The following CUBN variants were observed in gnomAD, a reference collection of about 807,000 sequenced individuals.
The protein encoded by CUBN is cubilin.
CUBN carries 282 observed loss-of-function variants against 405.3 expected under a neutral mutation model. The observed-to-expected ratio is 0.70, with a 90% CI of 0.63 to 0.77. CUBN has a LOEUF of 0.77. Among genes scored for constraint, CUBN ranks in the 30% least tolerant of loss-of-function variants. The pLI, the probability that CUBN is intolerant of heterozygous loss-of-function variation, is 0.00. For synonymous variants in CUBN, 1,684 were observed against 1,617.0 expected, an observed-to-expected ratio of 1.04 and a Z score of -0.99; for missense variants, 4,514 against 4,475.2, an observed-to-expected ratio of 1.01 and a Z score of -0.25.
In CUBN at chr10:17,115,425, T is replaced by C. The variant is rs897161787; in HGVS notation, c.720+46A>G. The C allele has an allele frequency of 3.7e-6, 6 of 1,611,830 alleles. No individual in the cohort carries two copies. The African/African-American group carries it at 6.7e-5, about 18-fold the overall frequency. ...TGGGCATAGGAGGAGGAGGAGCTAC[T>C]AACCATGGCTCTCTGCAAGGAGGCA... On this transcript the variant is annotated intron_variant, in intron 7 of 66. Transcript: ENST00000377833.
At chr10:16,857,660 T>C (rs143779539) in intron 59 of CUBN, among the ~76,000 whole-genome samples, 168 of 152,274 alleles carry the variant, frequency 1.1e-3, no homozygotes, top group African/African-American at 3.9e-3. Context: ...AAACTAGGAA[T>C]AGAGGAGAAA....
chr10:16,928,532 C>CCCCCCTT (rs1403918589), intron 40 of CUBN, among the ~76,000 whole-genome samples: 8 of 107,118 alleles, frequency 7.5e-5, no homozygotes, highest in African/African-American at 1.4e-4. Flanking sequence ...CCACCCCCCC[C>CCCCCCTT]TTTTTTTTTT....
At chr10:16,895,338 TACACAC>T (rs150992845) in intron 54 of CUBN, among the ~76,000 whole-genome samples, 8,443 of 149,040 alleles carry the variant, frequency 0.057, 758 homozygotes, top group East Asian at 0.32. Context: ...TATATATTTA[TACACAC>T]ACACACACAC....
At chr10:17,080,969 A>G (rs886545789) in intron 17 of CUBN, among the ~76,000 whole-genome samples, 18 of 152,170 alleles carry the variant, frequency 1.2e-4, no homozygotes, top group African/African-American at 3.4e-4. Context: ...TCCATGGGTA[A>G]TGTATATCTT....
At chr10:17,031,990 G>T (rs190338442) in intron 27 of CUBN, among the ~76,000 whole-genome samples, 7 of 152,304 alleles carry the variant, frequency 4.6e-5, no homozygotes, top group Non-Finnish European at 8.8e-5. Flanking sequence ...AGCCCTTATG[G>T]AGAAGTCCAT....
chr10:17,128,874 C>A (rs533377269), intron 2 of CUBN, among the ~76,000 whole-genome samples: 41 of 152,234 alleles, frequency 2.7e-4, no homozygotes, highest in African/African-American at 9.6e-4. Context: ...ATCTATTGTA[C>A]ATTTCAAAAT....
At chr10:17,048,239 A>G (rs1054183814) in intron 22 of CUBN, among the ~76,000 whole-genome samples, 2 of 152,268 alleles carry the variant, frequency 1.3e-5, no homozygotes, top group African/African-American at 4.8e-5. Context: ...CATGATATGC[A>G]CTCAGTAAAT....
At chr10:16,873,520 G>A (rs1276005225) in intron 58 of CUBN, among the ~76,000 whole-genome samples, 1 of 152,034 alleles carries the variant, frequency 6.6e-6, no homozygotes, top group South Asian at 2.1e-4. Context: ...TCAGGAGTTC[G>A]AGACCAGCAT....
intron 22 of CUBN, among the ~76,000 whole-genome samples, chr10:17,052,911 A>G (rs772492819): frequency 2.8e-4 from 42 of 150,596 alleles, no homozygotes; most frequent in Non-Finnish European, 4.9e-4. Context: ...ATGGAATTAC[A>G]CTAGTATGAC....
intron 27 of CUBN, among the ~76,000 whole-genome samples, chr10:17,023,871 A>C (rs186898162): frequency 7.2e-5 from 11 of 152,186 alleles, no homozygotes; most frequent in African/African-American, 2.7e-4. Flanking sequence ...CATTAAATAT[A>C]TCTTCAGATG....
intron 59 of CUBN, among the ~76,000 whole-genome samples, chr10:16,853,105 G>A (rs1424811019): frequency 6.6e-6 from 1 of 152,122 alleles, no homozygotes; most frequent in Non-Finnish European, 1.5e-5. Flanking sequence ...ACAATCCTCA[G>A]AACATAAGAT....
chr10:16,945,956 T>C (rs1842767180), intron 36 of CUBN, among the ~76,000 whole-genome samples: 1 of 152,126 alleles, frequency 6.6e-6, no homozygotes, highest in South Asian at 2.1e-4. Context: ...GGTCCACAAA[T>C]AGGATAGTTG....
At position 16,840,478 on chromosome 10, in the gene CUBN, T is replaced by C; in HGVS notation, c.9884A>G (p.Asn3295Ser). 2 of 1,613,642 alleles carry C rather than the reference T, an allele frequency of 1.2e-6. No homozygotes were observed. The highest frequency in any genetic ancestry group is 2.2e-5 in the South Asian group (2 of 90,958). Residue 3295 changes from asparagine (N) to serine (S), a missense_variant, in exon 62 of 67, where the codon AAT becomes AGT. Asn to Ser is a conservative substitution (Grantham distance 46). Transcript: ENST00000377833. ...TWTPQNISSP[N>S]SSDPDVPFSI... ...AAATGGGACATCTGGGTCTGATGAATTGGGTGATGAAATATTTTGTGGGGT... is the reference window on the plus strand; with the variant it reads ...AAATGGGACATCTGGGTCTGATGAACTGGGTGATGAAATATTTTGTGGGGT...
At position 16,990,285 on chromosome 10, in the gene CUBN, T is replaced by C. The variant is rs1833542743; in HGVS notation, c.4350+49A>G. On this transcript the variant is annotated intron_variant, in intron 29 of 66. Transcript: ENST00000377833. ...GGAATCTTGGCAGAGTGATTTCCTGTTCTACCCCAAACTTTGGAATGTGCT... is the reference window on the plus strand; with the variant it reads ...GGAATCTTGGCAGAGTGATTTCCTGCTCTACCCCAAACTTTGGAATGTGCT... 1.9e-6 allele frequency: 3 copies of C among 1,572,420 alleles called. No individual in the cohort carries two copies. The East Asian group carries it at 6.7e-5, about 35-fold the overall frequency.
chr10:17,075,960 A>G (rs1435349341), intron 17 of CUBN, among the ~76,000 whole-genome samples: 1 of 152,236 alleles, frequency 6.6e-6, no homozygotes, highest in African/African-American at 2.4e-5. Flanking sequence ...AGATACAGAC[A>G]TACTGCAGTT....
intron 31 of CUBN, among the ~76,000 whole-genome samples, chr10:16,977,894 C>T (rs991765147): frequency 3.3e-5 from 5 of 152,190 alleles, no homozygotes; most frequent in Admixed American, 2.6e-4. Context: ...TGTCCTGTAA[C>T]GGAGGTCAGG....
Position 17,097,451 on chromosome 10 carries a change from G to A in CUBN, c.1765+2554C>T, listed in dbSNP as rs191391207. ...AGCCTGCAGGCTCAATTAACTTTAT[G>A]GTAAATTATTTCAAACATTTAAGAA... On this transcript the variant is annotated intron_variant, in intron 14 of 66. Transcript: ENST00000377833. Among the ~76,000 whole-genome samples, 551 of 151,998 alleles carry A rather than the reference G, an allele frequency of 3.6e-3. 1 individual carries two copies. The highest frequency in any genetic ancestry group is 5.1e-3 in the Non-Finnish European group (348 of 67,914).
intron 27 of CUBN, among the ~76,000 whole-genome samples, chr10:17,020,232 T>A (rs982280424): frequency 6.6e-6 from 1 of 152,214 alleles, no homozygotes; most frequent in South Asian, 2.1e-4. Context: ...TTTGGTTTTA[T>A]GTCAACCTAG....
intron 54 of CUBN, among the ~76,000 whole-genome samples, chr10:16,892,501 T>C (rs888615958): frequency 1.3e-5 from 2 of 152,084 alleles, no homozygotes; most frequent in South Asian, 4.1e-4. Flanking sequence ...TTTATATATA[T>C]ATGTATTTTT....
Sources: gnomAD v4.1 joint callset for allele counts (sites outside exome capture counted in the v4.1 genomes callset) on GRCh38, gnomAD v4.1.1 for gene constraint, MANE v1.5 for transcripts, NCBI Gene and HGNC (gene_info 2026-07-23, HGNC 2026-07-21) for gene names.